CTNNA2: variants seen among roughly 807,000 people sequenced by gnomAD.
CTNNA2 encodes catenin alpha-2.
CTNNA2 carries 42 observed loss-of-function variants against 101.0 expected under a neutral mutation model. The ratio of observed to expected loss-of-function variants is 0.42; its 90% CI spans 0.32 to 0.54. The LOEUF (loss-of-function observed/expected upper bound fraction) is 0.54, where lower values mean the gene tolerates loss of function less well. Among genes scored for constraint, CTNNA2 ranks in the 20% least tolerant of loss-of-function variants. CTNNA2 has a pLI of 0.14. For missense variants in CTNNA2, 871 were observed against 1,223.1 expected (o/e 0.71, Z 4.29); for synonymous variants, 450 against 456.4 (o/e 0.99, Z 0.18).
At chr2:80,230,587 A>T (rs1041167190) in intron 7 of CTNNA2, among the ~76,000 whole-genome samples, 1 of 152,108 alleles carries the variant, frequency 6.6e-6, no homozygotes, top group Non-Finnish European at 1.5e-5. Context: ...CGGAAAAGGG[A>T]AAGTTTTCTG....
chr2:79,267,821 C>T (rs1278736383), intron 2 of CTNNA2, among the ~76,000 whole-genome samples: 2 of 152,074 alleles, frequency 1.3e-5, no homozygotes, highest in African/African-American at 4.8e-5. Flanking sequence ...TGGAAAAGCC[C>T]CTGGAGATAA....
chr2:80,081,591 T>C (rs1391180542), intron 7 of CTNNA2, among the ~76,000 whole-genome samples: 1 of 150,408 alleles, frequency 6.6e-6, no homozygotes, highest in Non-Finnish European at 1.5e-5. Flanking sequence ...AAAGACATGA[T>C]ATAAGTTGCT....
At chr2:79,588,738 AT>A (rs1243579496) in intron 1 of CTNNA2, among the ~76,000 whole-genome samples, 2 of 152,190 alleles carry the variant, frequency 1.3e-5, no homozygotes, top group Admixed American at 6.5e-5. Flanking sequence ...AGTTTCCTGT[AT>A]TTATAGAGCA....
intron 1 of CTNNA2, among the ~76,000 whole-genome samples, chr2:79,635,113 G>T (rs531226361): frequency 6.6e-6 from 1 of 152,152 alleles, no homozygotes; most frequent in Non-Finnish European, 1.5e-5. Context: ...CAAGAGCCTT[G>T]ATTAAGGCAG....
chr2:80,581,929 C>A, intron 14 of CTNNA2, 110 bp downstream of exon 14: 1 of 664,642 alleles, frequency 1.5e-6, no homozygotes, highest in Non-Finnish European at 2.7e-6. Context: ...ATTCATGGGT[C>A]AGAAATCTGT....
intron 3 of CTNNA2, among the ~76,000 whole-genome samples, chr2:79,329,053 C>A (rs1354668371): frequency 6.6e-6 from 1 of 152,118 alleles, no homozygotes; most frequent in East Asian, 1.9e-4. Context: ...AGTTTACAGC[C>A]TACCTTAATC....
chr2:79,660,318 C>T (rs1313409829), intron 2 of CTNNA2, among the ~76,000 whole-genome samples: 1 of 149,464 alleles, frequency 6.7e-6, no homozygotes, highest in East Asian at 2.0e-4. Flanking sequence ...TGTGTATATA[C>T]ATATGTATGT....
intron 7 of CTNNA2, among the ~76,000 whole-genome samples, chr2:79,910,518 A>G (rs1685713401): frequency 2.0e-5 from 3 of 152,324 alleles, no homozygotes; most frequent in Middle Eastern, 3.4e-3. Context: ...TTGATTTGCT[A>G]CATTCATTCA....
At chr2:79,699,833 G>GTA (rs1412599478) in intron 2 of CTNNA2, among the ~76,000 whole-genome samples, 5 of 93,116 alleles carry the variant, frequency 5.4e-5, no homozygotes, top group African/African-American at 2.2e-4. Flanking sequence ...ACACACACAC[G>GTA]TGTGTGTATA....
intron 4 of CTNNA2, among the ~76,000 whole-genome samples, chr2:79,402,093 C>T (rs1049024851): frequency 6.6e-6 from 1 of 151,642 alleles, no homozygotes; most frequent in Non-Finnish European, 1.5e-5. Flanking sequence ...ATAAAATAGT[C>T]TATTATTTAA....
intron 2 of CTNNA2, among the ~76,000 whole-genome samples, chr2:79,721,482 G>T (rs1686487625): frequency 6.6e-6 from 1 of 152,142 alleles, no homozygotes. Flanking sequence ...ATCAACATAT[G>T]AATTTGGAGA....
At chr2:79,305,258 G>A (rs895209826) in intron 2 of CTNNA2, among the ~76,000 whole-genome samples, 10 of 150,242 alleles carry the variant, frequency 6.7e-5, no homozygotes, top group Non-Finnish European at 1.0e-4. Context: ...ACACATCTCC[G>A]TGAGTATATA....
chr2:80,488,704 C>A (rs138601245), intron 9 of CTNNA2, among the ~76,000 whole-genome samples: 1,744 of 152,270 alleles, frequency 0.011, 18 homozygotes, highest in Middle Eastern at 0.051. Flanking sequence ...TGTTACATGT[C>A]CACTGACCCC....
chr2:80,126,013 A>C (rs556813875), intron 7 of CTNNA2, among the ~76,000 whole-genome samples: 1 of 152,292 alleles, frequency 6.6e-6, no homozygotes, highest in Non-Finnish European at 1.5e-5. Flanking sequence ...TCAGCCATCT[A>C]TCTCTATAAA....
intron 7 of CTNNA2, among the ~76,000 whole-genome samples, chr2:80,108,201 G>A (rs1207022693): frequency 6.6e-6 from 1 of 152,170 alleles, no homozygotes; most frequent in Non-Finnish European, 1.5e-5. Context: ...GCCCAGAGGG[G>A]AGCAGCCTTG....
rs765967682 is a variant in CTNNA2 at position 80,162,765 on chromosome 2, G to A, written c.1057-230446G>A. On this transcript the variant is annotated intron_variant, in intron 7 of 18. Transcript: ENST00000402739. ...TCCTGATTGATCCAGAGGTGAAGAA[G>A]CAAATTTTCCACCATATGACATTTG... 1,144 of 1,597,164 alleles carry A rather than the reference G, an allele frequency of 7.2e-4. 4 individuals carry two copies. Among genetic ancestry groups the A allele is most frequent in the Admixed American group, 1.7e-3 (99 of 59,924 alleles).
intron 3 of CTNNA2, among the ~76,000 whole-genome samples, chr2:79,350,830 C>T (rs182484616): frequency 2.6e-5 from 4 of 152,184 alleles, no homozygotes; most frequent in African/African-American, 9.7e-5. Context: ...AATCGTCATT[C>T]TGACTAATGT....
chr2:79,641,678 C>T (rs1447168430), intron 1 of CTNNA2, among the ~76,000 whole-genome samples: 1 of 152,154 alleles, frequency 6.6e-6, no homozygotes, highest in East Asian at 1.9e-4. Flanking sequence ...GGTTGATACT[C>T]AAGTGGAAAA....
intron 1 of CTNNA2, among the ~76,000 whole-genome samples, chr2:79,644,393 C>T (rs779374088): frequency 9.9e-5 from 15 of 152,218 alleles, no homozygotes; most frequent in East Asian, 5.8e-4. Context: ...CCAGATAATT[C>T]GGGATAATTT....
Sources: gnomAD v4.1 joint callset for allele counts (sites outside exome capture counted in the v4.1 genomes callset) on GRCh38, gnomAD v4.1.1 for gene constraint, MANE v1.5 for transcripts, NCBI Gene and HGNC (gene_info 2026-07-23, HGNC 2026-07-21) for gene names.